The following PTPRO variants were observed in gnomAD, a reference collection of about 807,000 sequenced individuals.
PTPRO encodes protein tyrosine phosphatase receptor type O.
A neutral mutation model predicts 145.2 loss-of-function variants in PTPRO; 62 were observed. The ratio of observed to expected loss-of-function variants is 0.43; its 90% CI spans 0.35 to 0.53. The LOEUF is 0.53. Ranked by LOEUF, PTPRO falls within the 20% of genes least tolerant of loss-of-function variation. The pLI is 0.01. For missense variants in PTPRO, 1,345 were observed against 1,482.7 expected, an observed-to-expected ratio of 0.91 and a Z score of 1.53; for synonymous variants, 565 against 514.7, an observed-to-expected ratio of 1.10 and a Z score of -1.32.
intron 5 of PTPRO, 31 bp from the exon 6 acceptor site, chr12:15,503,877 A>G: frequency 1.3e-6 from 2 of 1,528,878 alleles, no homozygotes; most frequent in Non-Finnish European, 1.8e-6. Flanking sequence ...GTGTCTATTC[A>G]TGTATCTTCT....
intron 1 of PTPRO, among the ~76,000 whole-genome samples, chr12:15,405,667 T>C (rs1939627993): frequency 6.6e-6 from 1 of 152,210 alleles, no homozygotes; most frequent in African/African-American, 2.4e-5. Flanking sequence ...TTTATTCCCA[T>C]CTGACTGTAC....
In PTPRO at chr12:15,583,682, T is replaced by G. The variant is rs113131336; in HGVS notation, c.3255+1881T>G. 5.8e-4 allele frequency among the ~76,000 whole-genome samples: 88 copies of G among 152,306 alleles called. 2 individuals carry two copies. The highest frequency in any genetic ancestry group is 2.0e-3 in the African/African-American group (83 of 41,578). ...TAGCTGCAACCAAAACTATATGATC[T>G]GCAAAAACTAAAATATTTACTAACT... On this transcript the variant is annotated intron_variant, in intron 23 of 26. Transcript: ENST00000281171.
At chr12:15,558,073 T>G (rs1412642372) in intron 16 of PTPRO, among the ~76,000 whole-genome samples, 2 of 152,044 alleles carry the variant, frequency 1.3e-5, no homozygotes, top group Non-Finnish European at 2.9e-5. Flanking sequence ...TAGCTGGGAC[T>G]ACAGGCGCGC....
intron 1 of PTPRO, among the ~76,000 whole-genome samples, chr12:15,463,675 A>C (rs890603490): frequency 1.3e-5 from 2 of 152,112 alleles, no homozygotes; most frequent in African/African-American, 2.4e-5. Context: ...TCTCCTAGCT[A>C]TTCTTTGTTG....
intron 1 of PTPRO, among the ~76,000 whole-genome samples, chr12:15,455,038 G>T (rs1591826106): frequency 6.6e-6 from 1 of 152,020 alleles, no homozygotes; most frequent in East Asian, 1.9e-4. Context: ...TTTCAAGATT[G>T]CTTTGGCTAT....
At chr12:15,495,256 A>G (rs2136458432) in intron 2 of PTPRO, among the ~76,000 whole-genome samples, 1 of 151,762 alleles carries the variant, frequency 6.6e-6, no homozygotes, top group Non-Finnish European at 1.5e-5. Context: ...GCTGTTTTTC[A>G]GAAAACTCCA....
At chr12:15,554,588 G>C (rs1943567633) in intron 15 of PTPRO, among the ~76,000 whole-genome samples, 1 of 152,106 alleles carries the variant, frequency 6.6e-6, no homozygotes, top group African/African-American at 2.4e-5. Flanking sequence ...CAATGTTGAA[G>C]GGCAGGAAGC....
At chr12:15,519,704 A>G (rs1942673349) in intron 9 of PTPRO, among the ~76,000 whole-genome samples, 1 of 152,218 alleles carries the variant, frequency 6.6e-6, no homozygotes, top group Admixed American at 6.5e-5. Flanking sequence ...TTTTAAGAAA[A>G]CAGGTAAAAA....
chr12:15,448,612 A>G (rs1344248397), intron 1 of PTPRO, among the ~76,000 whole-genome samples: 1 of 152,044 alleles, frequency 6.6e-6, no homozygotes, highest in Admixed American at 6.6e-5. Flanking sequence ...GAAAAACAGA[A>G]TGGAGGCCTC....
chr12:15,592,149 T>G (rs1337322003), intron 25 of PTPRO, among the ~76,000 whole-genome samples: 2 of 152,176 alleles, frequency 1.3e-5, no homozygotes, highest in African/African-American at 4.8e-5. Context: ...CTTGTTCCTC[T>G]GCTTACCATG....
rs571457247 is a variant in PTPRO at position 15,386,470 on chromosome 12, A to G, written c.75+63669A>G. Among the ~76,000 whole-genome samples the G allele has an allele frequency of 3.3e-5, 5 of 152,226 alleles. No homozygotes were observed. The East Asian group carries it at 9.6e-4, about 29-fold the overall frequency. On this transcript the variant is annotated intron_variant, in intron 1 of 26. Coordinates refer to ENST00000281171, the MANE Select transcript of PTPRO (RefSeq NM_030667.3). ...TAAACAAATATGCATATACATATACATATATCTGATAACCTGAAGTATATT... is the reference window on the plus strand; with the variant it reads ...TAAACAAATATGCATATACATATACGTATATCTGATAACCTGAAGTATATT...
intron 1 of PTPRO, among the ~76,000 whole-genome samples, chr12:15,333,231 T>A (rs78288084): frequency 4.0e-4 from 61 of 152,352 alleles, no homozygotes; most frequent in African/African-American, 1.4e-3. Context: ...TATTCAGCAC[T>A]TCTTTCTGAA....
At chr12:15,403,206 A>C (rs1255447881) in intron 1 of PTPRO, among the ~76,000 whole-genome samples, 2 of 152,078 alleles carry the variant, frequency 1.3e-5, no homozygotes, top group East Asian at 3.9e-4. Flanking sequence ...CTTTGACATC[A>C]CACTCCAGCT....
intron 1 of PTPRO, among the ~76,000 whole-genome samples, chr12:15,363,888 A>G (rs1938282614): frequency 6.6e-6 from 1 of 152,178 alleles, no homozygotes; most frequent in African/African-American, 2.4e-5. Context: ...TTCTGTTATT[A>G]TAGAATTTGT....
intron 1 of PTPRO, among the ~76,000 whole-genome samples, chr12:15,356,097 A>G (rs976981455): frequency 1.9e-4 from 29 of 152,212 alleles, no homozygotes; most frequent in Non-Finnish European, 7.4e-5. Context: ...TTTGGTGTCC[A>G]AATTGTATAG....
intron 1 of PTPRO, among the ~76,000 whole-genome samples, chr12:15,379,690 TTA>T (rs1938799795): frequency 6.6e-6 from 1 of 152,144 alleles, no homozygotes; most frequent in African/African-American, 2.4e-5. Flanking sequence ...ACAAAAGTAC[TTA>T]TGTTATATAA....
rs1367190426 is a variant in PTPRO at position 15,397,356 on chromosome 12, A to G, written c.75+74555A>G. 2.0e-5 allele frequency among the ~76,000 whole-genome samples: 3 copies of G among 152,362 alleles called. No homozygotes were observed. The East Asian group carries it at 5.8e-4, about 29-fold the overall frequency. ...TGACTCCTTGCAATAACCCTAAAAGATTAATATCATTAACTCATTTTATAG... is the reference window on the plus strand; with the variant it reads ...TGACTCCTTGCAATAACCCTAAAAGGTTAATATCATTAACTCATTTTATAG... On this transcript the variant is annotated intron_variant, in intron 1 of 26. Coordinates refer to ENST00000281171, the MANE Select transcript of PTPRO (RefSeq NM_030667.3).
At position 15,402,159 on chromosome 12, in the gene PTPRO, G is replaced by A. The variant is rs1939512345; in HGVS notation, c.75+79358G>A. On this transcript the variant is annotated intron_variant, in intron 1 of 26. Coordinates refer to ENST00000281171, the MANE Select transcript of PTPRO (RefSeq NM_030667.3). ...AATCCCAGCACTTTGGGAGGCTGAG[G>A]CAGGCGGATCATGAGGCCAGGAGAT... 1.3e-5 allele frequency among the ~76,000 whole-genome samples: 2 copies of A among 152,298 alleles called. 1 individual carries two copies. Among genetic ancestry groups the A allele is most frequent in the South Asian group, 4.1e-4 (2 of 4,826 alleles).
At chr12:15,437,279 C>T (rs1470845169) in intron 1 of PTPRO, among the ~76,000 whole-genome samples, 3 of 151,980 alleles carry the variant, frequency 2.0e-5, no homozygotes, top group Middle Eastern at 3.4e-3. Context: ...ATTCAGAGCG[C>T]CTGCTTGCTT....
Sources: allele counts gnomAD v4.1 joint callset (sites outside exome capture counted in the v4.1 genomes callset), GRCh38; gene constraint gnomAD v4.1.1; transcripts MANE v1.5; gene names NCBI Gene and HGNC (gene_info 2026-07-23, HGNC 2026-07-21).